The following DNAH9 variants were observed in gnomAD, a reference collection of about 807,000 sequenced individuals.
DNAH9 encodes dynein axonemal heavy chain 9, also known as DNAH9 variant protein.
DNAH9 carries 345 observed loss-of-function variants against 471.6 expected under a neutral mutation model. That is an observed-to-expected ratio of 0.73 (90% CI 0.67 to 0.80). The LOEUF (loss-of-function observed/expected upper bound fraction) is 0.80, where lower values mean the gene tolerates loss of function less well. Ranked by LOEUF, DNAH9 falls within the 30% of genes least tolerant of loss-of-function variation. The pLI is 0.00. For missense variants in DNAH9, 5,407 were observed against 5,609.2 expected (o/e 0.96, Z 1.15); for synonymous variants, 2,093 against 2,123.6 (o/e 0.99, Z 0.40).
intron 17 of DNAH9, among the ~76,000 whole-genome samples, chr17:11,679,450 G>A (rs2074098037): frequency 6.6e-6 from 1 of 152,220 alleles, no homozygotes; most frequent in African/African-American, 2.4e-5. Flanking sequence ...TGCGCTCAGA[G>A]AACCTCTGAA....
At chr17:11,810,466 T>G in intron 45 of DNAH9, 97 bp downstream of exon 45, 4 of 1,470,982 alleles carry the variant, frequency 2.7e-6, no homozygotes, top group Non-Finnish European at 3.6e-6. Context: ...AAGAGTAAGG[T>G]CATAGTAATG....
At chr17:11,931,385 C>T (rs1974503069) in intron 63 of DNAH9, among the ~76,000 whole-genome samples, 1 of 152,166 alleles carries the variant, frequency 6.6e-6, no homozygotes, top group Admixed American at 6.5e-5. Context: ...CCACCTAAAC[C>T]AACATAAACC....
rs1968596707 is a variant in DNAH9, at chr17:11,779,678, A to G, written c.7553-1331A>G. ...AGTCTTTCTAAGGAGAGAATTTCCT[A>G]TTAGAAGAACTGTTCTCAAAAGCAT... On this transcript the variant is annotated intron_variant, in intron 38 of 68. Transcript: ENST00000262442. 1.3e-5 allele frequency among the ~76,000 whole-genome samples: 2 copies of G among 152,192 alleles called. 1 individual carries two copies. Among genetic ancestry groups the G allele is most frequent in the South Asian group, 4.1e-4 (2 of 4,830 alleles).
chr17:11,764,776 A>G (rs562202041), intron 36 of DNAH9, among the ~76,000 whole-genome samples: 1 of 152,294 alleles, frequency 6.6e-6, no homozygotes, highest in Admixed American at 6.5e-5. Context: ...AAACAACAAT[A>G]ACAATAACAA....
chr17:11,669,153 G>A lies in DNAH9; in HGVS notation c.2821G>A (p.Val941Met). 2 of 1,613,824 alleles carry A rather than the reference G, an allele frequency of 1.2e-6. No individual in the cohort carries two copies. Among genetic ancestry groups the A allele is most frequent in the Non-Finnish European group, 1.7e-6 (2 of 1,179,742 alleles). Residue 941 changes from valine to methionine, a missense_variant, in exon 16 of 69, where the codon GTG becomes ATG. By Grantham distance (21) the Val-to-Met change is conservative. Coordinates refer to ENST00000262442, the MANE Select transcript of DNAH9 (RefSeq NM_001372.4). ...TTTCTATCCGTCTCTGGAGTCTGGAGTGAAGGGGGGTTTCTGTGACATTGT... is the reference window on the plus strand; with the variant it reads ...TTTCTATCCGTCTCTGGAGTCTGGAATGAAGGGGGGTTTCTGTGACATTGT... ...LVFYPSLESG[V>M]KGGFCDIVEG...
At chr17:11,605,646 T>C (rs1233005891) in intron 1 of DNAH9, among the ~76,000 whole-genome samples, 2 of 150,510 alleles carry the variant, frequency 1.3e-5, no homozygotes, top group African/African-American at 4.9e-5. Context: ...ACTACAGACA[T>C]GCGCCACTAC....
At chr17:11,687,280 T>C (rs1208021598) in intron 19 of DNAH9, among the ~76,000 whole-genome samples, 1 of 152,158 alleles carries the variant, frequency 6.6e-6, no homozygotes, top group Non-Finnish European at 1.5e-5. Flanking sequence ...ACAATTTAGA[T>C]TGAACAAGCA....
chr17:11,779,817 T>C (rs911569353), intron 38 of DNAH9, among the ~76,000 whole-genome samples: 4 of 152,214 alleles, frequency 2.6e-5, no homozygotes, highest in African/African-American at 7.2e-5. Context: ...TGTATGTTAA[T>C]TGGATGCTAA....
intron 42 of DNAH9, among the ~76,000 whole-genome samples, chr17:11,796,780 C>A (rs1400452316): frequency 6.6e-6 from 1 of 152,194 alleles, no homozygotes; most frequent in Non-Finnish European, 1.5e-5. Flanking sequence ...TCTCAAGTCT[C>A]AGGTATTTGG....
chr17:11,937,550 C>T lies in DNAH9; in HGVS notation c.12660+28C>T, dbSNP rs920965873. On this transcript the variant is annotated intron_variant, in intron 66 of 68. Transcript: ENST00000262442. The surrounding 1 kb of genome is among the most constrained non-coding windows in gnomAD (Gnocchi z 4.1). ...GTGTGTGGTGGGGACTGCCTGAGGT[C>T]GTTCTGGGGGACCCCGAGGATCATA... The T allele has an allele frequency of 5.1e-6, 8 of 1,582,186 alleles. No individual in the cohort carries two copies. The highest frequency in any genetic ancestry group is 1.1e-5 in the South Asian group (1 of 87,646).
At chr17:11,611,611 G>C (rs781273890) in intron 3 of DNAH9, 39 bp from the exon 4 acceptor site, 1 of 1,605,122 alleles carries the variant, frequency 6.2e-7, no homozygotes, top group Non-Finnish European at 8.5e-7. Flanking sequence ...TGCATTTCCT[G>C]ATGCTTCCCT....
chr17:11,967,558 G>A (rs1285912923), intron 68 of DNAH9, among the ~76,000 whole-genome samples: 1 of 152,118 alleles, frequency 6.6e-6, no homozygotes, highest in East Asian at 1.9e-4. Context: ...TATAGAAAAC[G>A]AATAGCAGAT....
At chr17:11,651,007 C>T in intron 12 of DNAH9, 62 bp from the exon 13 acceptor site, 2 of 1,550,206 alleles carry the variant, frequency 1.3e-6, no homozygotes, top group Non-Finnish European at 8.8e-7. Context: ...AGTCTTTGAC[C>T]AATGCTGCAG....
intron 32 of DNAH9, among the ~76,000 whole-genome samples, chr17:11,750,740 C>G (rs1189665404): frequency 1.3e-5 from 2 of 152,052 alleles, no homozygotes; most frequent in South Asian, 2.1e-4. Context: ...ATACTTCATA[C>G]AAGAACACCT....
At chr17:11,828,952 T>A (rs894397913) in intron 48 of DNAH9, among the ~76,000 whole-genome samples, 2 of 152,106 alleles carry the variant, frequency 1.3e-5, no homozygotes, top group Non-Finnish European at 1.5e-5. Context: ...GCAAGCACTC[T>A]ACAAATGGGT....
intron 66 of DNAH9, among the ~76,000 whole-genome samples, chr17:11,939,585 T>C (rs916683848): frequency 2.0e-5 from 3 of 152,312 alleles, no homozygotes; most frequent in South Asian, 4.1e-4. Flanking sequence ...TCTTCCTTCC[T>C]GTCCACACCG....
At chr17:11,637,863 A>G (rs1234626892) in intron 9 of DNAH9, among the ~76,000 whole-genome samples, 1 of 152,074 alleles carries the variant, frequency 6.6e-6, no homozygotes, top group Non-Finnish European at 1.5e-5. Context: ...GACAAGATGC[A>G]TCGTGAGTGG....
At position 11,812,040 on chromosome 17, in the gene DNAH9, T is replaced by C. The variant is rs867600402; in HGVS notation, c.8707+1671T>C. On this transcript the variant is annotated intron_variant, in intron 45 of 68. Transcript: ENST00000262442. Reference sequence around the variant, plus strand: ...AAAAAAAAAAAAATATATATATATATATATATATATATATACACATACATA... The same window carrying C: ...AAAAAAAAAAAAATATATATATATACATATATATATATATACACATACATA... 6.5e-4 allele frequency among the ~76,000 whole-genome samples: 45 copies of C among 69,726 alleles called. 4 individuals carry two copies. The highest frequency in any genetic ancestry group is 9.3e-3 in the Middle Eastern group (1 of 108). The allele number at this position is 69,726 out of a possible 152,430, so 45.7% of individuals were successfully genotyped here.
intron 45 of DNAH9, among the ~76,000 whole-genome samples, chr17:11,815,298 A>G (rs1484228617): frequency 2.0e-5 from 3 of 151,352 alleles, no homozygotes; most frequent in African/African-American, 7.3e-5. Flanking sequence ...CTTACCACCT[A>G]TGTCCAAGAG....
Sources: gnomAD v4.1 joint callset for allele counts (sites outside exome capture counted in the v4.1 genomes callset) on GRCh38, gnomAD v4.1.1 for gene constraint, Gnocchi (gnomAD v3.1) non-coding constraint, MANE v1.5 for transcripts, NCBI Gene and HGNC (gene_info 2026-07-23, HGNC 2026-07-21) for gene names.